C3orf20: variants seen among roughly 807,000 people sequenced by gnomAD.
C3orf20 encodes the protein uncharacterized protein C3orf20.
C3orf20 carries 76 observed loss-of-function variants against 88.3 expected under a neutral mutation model. That is an observed-to-expected ratio of 0.86 (90% CI 0.72 to 1.04). The LOEUF (loss-of-function observed/expected upper bound fraction) is 1.04. Ranked by LOEUF, C3orf20 falls within the 50% of genes least tolerant of loss-of-function variation. C3orf20 has a pLI of 0.00. For synonymous variants in C3orf20, 436 were observed against 437.4 expected, an observed-to-expected ratio of 1.00 and a Z score of 0.04; for missense variants, 1,056 against 1,123.3, an observed-to-expected ratio of 0.94 and a Z score of 0.86.
chr3:14,734,787 G>A (rs1336610385), intron 12 of C3orf20, among the ~76,000 whole-genome samples: 3 of 152,008 alleles, frequency 2.0e-5, no homozygotes, highest in African/African-American at 7.2e-5. Context: ...ACTGATAGAA[G>A]TGTGTTAATA....
At chr3:14,743,280 G>A (rs950763270) in intron 12 of C3orf20, among the ~76,000 whole-genome samples, 13 of 151,934 alleles carry the variant, frequency 8.6e-5, no homozygotes, top group African/African-American at 1.9e-4. Flanking sequence ...TACAGGGCCC[G>A]AGGAAGTCTG....
chr3:14,704,392 C>A lies in C3orf20; in HGVS notation c.934C>A (p.Arg312=), dbSNP rs146642906. The change falls in exon 7 of 17, where the codon CGA becomes AGA. Residue 312 remains arginine, a synonymous_variant. Coordinates refer to ENST00000253697, the MANE Select transcript of C3orf20 (RefSeq NM_032137.5). The part of the protein sequence containing the change: ...GRNISYPMIL[R]NYKAKMPSHL... ...GAATATCTCCTACCCCATGATCTTACGAAACTACAAGGCAAAGATGCCCTC... is the reference window on the plus strand; with the variant it reads ...GAATATCTCCTACCCCATGATCTTAAGAAACTACAAGGCAAAGATGCCCTC... 4 of 1,614,144 alleles carry A rather than the reference C, an allele frequency of 2.5e-6. No individual in the cohort carries two copies. The East Asian group carries it at 6.7e-5, about 27-fold the overall frequency.
chr3:14,720,298 G>T (rs1575123745), intron 9 of C3orf20, among the ~76,000 whole-genome samples: 1 of 152,200 alleles, frequency 6.6e-6, no homozygotes, highest in African/African-American at 2.4e-5. Context: ...CCAAAATGCT[G>T]GGATTACAGG....
At chr3:14,696,147 A>AT (rs1285831353) in intron 5 of C3orf20, among the ~76,000 whole-genome samples, 1 of 144,362 alleles carries the variant, frequency 6.9e-6, no homozygotes, top group Non-Finnish European at 1.5e-5. Context: ...TTGTGTACCC[A>AT]TTGTGTGTTT....
chr3:14,728,242 T>A (rs1340423125), intron 11 of C3orf20, among the ~76,000 whole-genome samples, 197 bp from the exon 12 acceptor site: 1 of 152,086 alleles, frequency 6.6e-6, no homozygotes, highest in African/African-American at 2.4e-5. Flanking sequence ...ACACAACATT[T>A]GGCAGTGTCA....
intron 12 of C3orf20, among the ~76,000 whole-genome samples, chr3:14,733,475 C>T (rs2034605230): frequency 6.6e-6 from 1 of 152,066 alleles, no homozygotes; most frequent in Admixed American, 6.5e-5. Context: ...ATATGGTGGA[C>T]TTTGTGTACA....
intron 7 of C3orf20, among the ~76,000 whole-genome samples, chr3:14,710,812 G>A (rs747860550): frequency 6.6e-6 from 1 of 152,078 alleles, no homozygotes; most frequent in African/African-American, 2.4e-5. Context: ...GTGTTCTGCT[G>A]TTGTTGGGTG....
chr3:14,771,945 C>T (rs934602482), intron 15 of C3orf20, 122 bp from the exon 16 acceptor site: 12 of 1,274,784 alleles, frequency 9.4e-6, no homozygotes, highest in African/African-American at 8.9e-5. Flanking sequence ...AGTCTCCCTT[C>T]GCTGCCCTCA....
chr3:14,746,573 T>C (rs1184121790), intron 12 of C3orf20, among the ~76,000 whole-genome samples: 1 of 152,236 alleles, frequency 6.6e-6, no homozygotes, highest in Admixed American at 6.5e-5. Flanking sequence ...GCATCATTGA[T>C]CAACTATCTT....
intron 12 of C3orf20, among the ~76,000 whole-genome samples, chr3:14,732,925 C>T (rs1310781724): frequency 6.6e-6 from 1 of 151,910 alleles, no homozygotes; most frequent in African/African-American, 2.4e-5. Context: ...TATGGATAGC[C>T]AATTGTTCCA....
Position 14,701,797 on chromosome 3 carries a change from GCT to G in C3orf20, c.746-1328_746-1327del, listed in dbSNP as rs957024837. On this transcript the variant is annotated intron_variant, in intron 5 of 16. Coordinates refer to ENST00000253697, the MANE Select transcript of C3orf20 (RefSeq NM_032137.5). This position sits in a 1 kb window ranked among gnomAD's most constrained non-coding sequence, Gnocchi z 4.6. ...GTGAGGGCCGTCCAGCCCTGGAAAT[GCT>G]CTCTTTTCCTGGAACCCGGGGAGAC... Among the ~76,000 whole-genome samples the G allele has an allele frequency of 1.3e-5, 2 of 152,184 alleles. No homozygotes were observed. Among genetic ancestry groups the G allele is most frequent in the South Asian group, 2.1e-4 (1 of 4,834 alleles).
At chr3:14,758,666 C>T (rs905816564) in intron 13 of C3orf20, among the ~76,000 whole-genome samples, 4 of 152,208 alleles carry the variant, frequency 2.6e-5, no homozygotes, top group Non-Finnish European at 1.5e-5. Context: ...GTTTCATGTA[C>T]ACCAGGGGTA....
intron 5 of C3orf20, among the ~76,000 whole-genome samples, chr3:14,691,880 A>G (rs540184264): frequency 1.3e-5 from 2 of 152,202 alleles, no homozygotes; most frequent in South Asian, 2.1e-4. Flanking sequence ...TTTTGTATCC[A>G]TTAGCCCTCC....
intron 12 of C3orf20, among the ~76,000 whole-genome samples, chr3:14,752,990 A>G (rs1463103901): frequency 1.3e-5 from 2 of 152,220 alleles, no homozygotes; most frequent in Non-Finnish European, 2.9e-5. Context: ...ATTACTGGGT[A>G]TATACCCAAA....
Position 14,728,519 on chromosome 3 carries a change from G to A in C3orf20, c.1771G>A (p.Glu591Lys), listed in dbSNP as rs754909808. 1.7e-5 allele frequency: 28 copies of A among 1,614,184 alleles called. No homozygotes were observed. Among genetic ancestry groups the A allele is most frequent in the African/African-American group, 2.7e-5 (2 of 75,034 alleles). The part of the protein sequence containing the change: ...RFKMRSRTHP[E>K]RLPKLSLYSG... ...CAAGATGAGATCCAGAACTCATCCC[G>A]AGCGGCTCCCCAAGCTAAGTTTATA... The change falls in exon 12 of 17, where the codon GAG (glutamate) becomes AAG (lysine). Residue 591 changes from glutamate to lysine, a missense_variant. Coordinates refer to ENST00000253697, the MANE Select transcript of C3orf20 (RefSeq NM_032137.5).
intron 5 of C3orf20, among the ~76,000 whole-genome samples, chr3:14,695,660 C>T (rs571138316): frequency 6.6e-6 from 1 of 152,166 alleles, no homozygotes; most frequent in African/African-American, 2.4e-5. Context: ...TTGCTTTATA[C>T]GTCTGGCTGC....
intron 14 of C3orf20, 96 bp downstream of exon 14, chr3:14,760,094 G>A (rs2035512601): frequency 1.1e-6 from 1 of 914,952 alleles, no homozygotes; most frequent in East Asian, 2.6e-5. Context: ...GGAGGAGAGA[G>A]GAGAAGAAGG....
intron 5 of C3orf20, among the ~76,000 whole-genome samples, chr3:14,694,390 T>C (rs892870318): frequency 1.3e-5 from 2 of 152,206 alleles, no homozygotes; most frequent in East Asian, 3.8e-4. Flanking sequence ...GTTCAGGTTT[T>C]GGATTTCTTC....
At chr3:14,676,378 T>C (rs2031772464) in intron 1 of C3orf20, among the ~76,000 whole-genome samples, 1 of 152,176 alleles carries the variant, frequency 6.6e-6, no homozygotes, top group African/African-American at 2.4e-5. Context: ...GCTTTGTATC[T>C]CTGTGTCCAA....
Sources: gnomAD v4.1 joint callset for allele counts (sites outside exome capture counted in the v4.1 genomes callset) on GRCh38, gnomAD v4.1.1 for gene constraint, Gnocchi (gnomAD v3.1) non-coding constraint, MANE v1.5 for transcripts, NCBI Gene and HGNC (gene_info 2026-07-23, HGNC 2026-07-21) for gene names.